The following DLG2 variants were observed in gnomAD, a reference collection of about 807,000 sequenced individuals.
DLG2 encodes the protein discs large MAGUK scaffold protein 2.
DLG2 carries 45 observed loss-of-function variants against 132.5 expected under a neutral mutation model. That is an observed-to-expected ratio of 0.34 (90% CI 0.27 to 0.44). The LOEUF (loss-of-function observed/expected upper bound fraction) is 0.44, where lower values mean the gene tolerates loss of function less well. Among genes scored for constraint, DLG2 ranks in the 20% least tolerant of loss-of-function variants. DLG2 has a pLI of 1.00. For missense variants in DLG2, 1,045 were observed against 1,196.9 expected, an observed-to-expected ratio of 0.87 and a Z score of 1.87; for synonymous variants, 424 against 419.6, an observed-to-expected ratio of 1.01 and a Z score of -0.13.
intron 9 of DLG2, among the ~76,000 whole-genome samples, chr11:84,139,857 G>T (rs2094766305): frequency 6.6e-6 from 1 of 152,132 alleles, no homozygotes; most frequent in South Asian, 2.1e-4. Context: ...GGGCTAAAGA[G>T]TTCTCACTGG....
At chr11:84,816,534 A>T (rs919584574) in intron 6 of DLG2, among the ~76,000 whole-genome samples, 1 of 151,918 alleles carries the variant, frequency 6.6e-6, no homozygotes, top group Non-Finnish European at 1.5e-5. Flanking sequence ...AATAACAAAA[A>T]TGGCAGCTAC....
intron 7 of DLG2, among the ~76,000 whole-genome samples, chr11:84,293,740 TGA>T (rs2098043931): frequency 6.6e-6 from 1 of 152,162 alleles, no homozygotes; most frequent in Admixed American, 6.6e-5. Context: ...CTTCATATAA[TGA>T]GAGTTCCAAT....
At chr11:83,469,142 T>C (rs1173383075) in intron 25 of DLG2, 59 bp downstream of exon 25, 2 of 1,174,708 alleles carry the variant, frequency 1.7e-6, no homozygotes, top group Non-Finnish European at 2.3e-6. Flanking sequence ...AAAAAAAAAA[T>C]GCAGTTTGCA....
In DLG2 at chr11:83,825,171, A is replaced by AT. The variant is rs10566177; in HGVS notation, c.1722+8442dup. On this transcript the variant is annotated intron_variant, in intron 17 of 27. Coordinates refer to ENST00000376104, the MANE Select transcript of DLG2 (RefSeq NM_001142699.3). ...CACACACATATATATATATATATAT[A>AT]TTTTTTTTTTTTTTTTTTTTTTTTT... 9.4e-3 allele frequency among the ~76,000 whole-genome samples: 680 copies of AT among 72,644 alleles called. 58 individuals are homozygous for AT. The highest frequency in any genetic ancestry group is 0.023 in the Middle Eastern group (2 of 88). 47.7% of individuals were successfully genotyped at this position (72,644 alleles called of 152,430 possible).
At chr11:84,113,617 G>T (rs2093475926) in intron 9 of DLG2, among the ~76,000 whole-genome samples, 1 of 152,080 alleles carries the variant, frequency 6.6e-6, no homozygotes, top group Non-Finnish European at 1.5e-5. Context: ...TGATAGGATG[G>T]GTGATAATAA....
At chr11:84,262,563 G>T (rs563097258) in intron 7 of DLG2, among the ~76,000 whole-genome samples, 1 of 151,990 alleles carries the variant, frequency 6.6e-6, no homozygotes, top group Non-Finnish European at 1.5e-5. Context: ...TGGGGTACAG[G>T]TGGTATTTGG....
intron 6 of DLG2, among the ~76,000 whole-genome samples, chr11:84,937,384 C>CA (rs35813381): frequency 0.26 from 34,765 of 132,190 alleles, 4,408 homozygotes; most frequent in South Asian, 0.32. Context: ...CATACCAGAC[C>CA]AAAAAAAAAA....
At chr11:83,725,334 G>GT (rs2153691982) in intron 18 of DLG2, 1 of 170,538 alleles carries the variant, frequency 5.9e-6, no homozygotes, top group African/African-American at 2.4e-5. Flanking sequence ...CAACTCTGAA[G>GT]TGGTAGTCTG....
At chr11:84,984,737 A>G (rs1381501770) in intron 6 of DLG2, among the ~76,000 whole-genome samples, 2 of 152,198 alleles carry the variant, frequency 1.3e-5, no homozygotes, top group East Asian at 3.8e-4. Context: ...GCTGCCTTCA[A>G]GAGACACACC....
At position 83,797,950 on chromosome 11, in the gene DLG2, T is replaced by A. The variant is rs957005316; in HGVS notation, c.1723-11158A>T. On this transcript the variant is annotated intron_variant, in intron 17 of 27. Transcript: ENST00000376104. ...AAAATTGAGAAATATTATTTTAACG[T>A]CATTCTTGTGCCCCAGGAGTGCTTA... Among the ~76,000 whole-genome samples, 4 of 152,326 alleles carry A rather than the reference T, an allele frequency of 2.6e-5. No homozygotes were observed. In the East Asian group the frequency reaches 7.7e-4, roughly 29 times the overall value.
intron 6 of DLG2, among the ~76,000 whole-genome samples, chr11:84,998,354 T>C (rs975225079): frequency 1.3e-5 from 2 of 152,112 alleles, no homozygotes; most frequent in South Asian, 2.1e-4. Flanking sequence ...ACATTTCCCA[T>C]TTGCATTCAT....
intron 15 of DLG2, among the ~76,000 whole-genome samples, chr11:83,916,008 G>T (rs556786956): frequency 5.3e-5 from 8 of 152,220 alleles, no homozygotes; most frequent in African/African-American, 1.9e-4. Flanking sequence ...GGCTCTTTGC[G>T]ATTGTCTTCT....
At chr11:85,393,077 T>C (rs1383773857) in intron 3 of DLG2, among the ~76,000 whole-genome samples, 1 of 152,000 alleles carries the variant, frequency 6.6e-6, no homozygotes, top group Non-Finnish European at 1.5e-5. Flanking sequence ...AGTCTATACA[T>C]CCAACAAACA....
rs180981895 is a variant in DLG2 at position 84,953,842 on chromosome 11, C to G, written c.357+157819G>C. ...TTATCCAATACAGCCTTATTTCTCACCACCGCCCTTCTTCAATGCTTTGTT... is the reference window on the plus strand; with the variant it reads ...TTATCCAATACAGCCTTATTTCTCAGCACCGCCCTTCTTCAATGCTTTGTT... On this transcript the variant is annotated intron_variant, in intron 6 of 27. Transcript: ENST00000376104. 2.6e-5 allele frequency among the ~76,000 whole-genome samples: 4 copies of G among 152,286 alleles called. No homozygotes were observed. In the East Asian group the frequency reaches 7.7e-4, roughly 29 times the overall value.
At chr11:84,766,119 C>A (rs1217479503) in intron 6 of DLG2, among the ~76,000 whole-genome samples, 1 of 151,940 alleles carries the variant, frequency 6.6e-6, no homozygotes, top group Non-Finnish European at 1.5e-5. Flanking sequence ...GACACATCCA[C>A]CAGAGGGGGA....
In DLG2 at chr11:84,542,335, T is replaced by C. The variant is rs371489659; in HGVS notation, c.358-7604A>G. 1.1e-4 allele frequency among the ~76,000 whole-genome samples: 17 copies of C among 152,166 alleles called. No homozygotes were observed. The East Asian group carries it at 1.5e-3, about 14-fold the overall frequency. ...TAGCATTATGAAGCAGGTATAAAAT[T>C]AAGTAATAATTACAGTTCCTTACAC... On this transcript the variant is annotated intron_variant, in intron 6 of 27. Coordinates refer to ENST00000376104, the MANE Select transcript of DLG2 (RefSeq NM_001142699.3).
chr11:83,965,142 T>C lies in DLG2; in HGVS notation c.1201+182A>G, dbSNP rs528873903. 1.8e-4 allele frequency among the ~76,000 whole-genome samples: 27 copies of C among 152,132 alleles called. No homozygotes were observed. The South Asian group carries it at 5.2e-3, about 29-fold the overall frequency. On this transcript the variant is annotated intron_variant, in intron 13 of 27. Transcript: ENST00000376104. ...CATGCCAACTCATTAGGAGATCTCA[T>C]CTTCAAACAGGAGGTAAGGGCCTGC...
Position 83,747,275 on chromosome 11 carries a change from TCTTCCTTCCTTCCTTC to T in DLG2, c.1825+39399_1825+39414del, listed in dbSNP as rs61484895. Among the ~76,000 whole-genome samples the T allele has an allele frequency of 2.0e-3, 244 of 121,660 alleles. 1 individual carries two copies. The highest frequency in any genetic ancestry group is 8.2e-3 in the Middle Eastern group (2 of 244). 79.8% of individuals were successfully genotyped at this position (121,660 alleles called of 152,430 possible). ...AGTTTGATTTTAATTTGCTTTAAAATCTTCCTTCCTTCCTTCCTTCCTTCCTTCCTTCCTTCCTTCC... is the reference window on the plus strand; with the variant it reads ...AGTTTGATTTTAATTTGCTTTAAAATCTTCCTTCCTTCCTTCCTTCCTTCC... On this transcript the variant is annotated intron_variant, in intron 18 of 27. Transcript: ENST00000376104.
chr11:85,498,921 T>G (rs2093730225), intron 3 of DLG2, among the ~76,000 whole-genome samples: 1 of 152,150 alleles, frequency 6.6e-6, no homozygotes, highest in South Asian at 2.1e-4. Context: ...TACCAGAATC[T>G]CTGGGACACA....
Sources: gnomAD v4.1 joint callset for allele counts (sites outside exome capture counted in the v4.1 genomes callset) on GRCh38, gnomAD v4.1.1 for gene constraint, MANE v1.5 for transcripts, NCBI Gene and HGNC (gene_info 2026-07-23, HGNC 2026-07-21) for gene names.